Variants in SLC25A43 observed in about 807,000 individuals in gnomAD.
The protein encoded by SLC25A43 is solute carrier family 25 member 43.
Under a neutral mutation model 22.8 loss-of-function variants are expected in SLC25A43, and 10 were observed. That is an observed-to-expected ratio of 0.44 (90% CI 0.27 to 0.74). The LOEUF (loss-of-function observed/expected upper bound fraction) is 0.74, where lower values mean the gene tolerates loss of function less well. Among genes scored for constraint, SLC25A43 ranks in the 30% least tolerant of loss-of-function variants. SLC25A43 has a pLI of 0.17. For missense variants in SLC25A43, 233 were observed against 279.1 expected, an observed-to-expected ratio of 0.83 and a Z score of 1.18; for synonymous variants, 106 against 121.6, an observed-to-expected ratio of 0.87 and a Z score of 0.84.
rs2052402972 is a variant in SLC25A43, at chrX:119,416,477, C to A, written c.690+6115C>A. 2.7e-5 allele frequency among the ~76,000 whole-genome samples: 3 copies of A among 112,432 alleles called. No homozygotes were observed. In the South Asian group the frequency reaches 1.1e-3, roughly 41 times the overall value. ...CTCATGATCTGCCCGCTTTGGCCTCCCAAAGTGCTGGGATTACAGGCGTGA... is the reference window on the plus strand; with the variant it reads ...CTCATGATCTGCCCGCTTTGGCCTCACAAAGTGCTGGGATTACAGGCGTGA... On this transcript the variant is annotated intron_variant, in intron 3 of 4. Coordinates refer to ENST00000217909, the MANE Select transcript of SLC25A43 (RefSeq NM_145305.3).
At chrX:119,441,582 A>C (rs1405800698) in intron 3 of SLC25A43, among the ~76,000 whole-genome samples, 1 of 110,370 alleles carries the variant, frequency 9.1e-6, no homozygotes, top group Non-Finnish European at 1.9e-5. Flanking sequence ...AGCTTACTGA[A>C]TTTTCCTGGT....
chrX:119,425,263 C>T (rs145130535), intron 3 of SLC25A43, among the ~76,000 whole-genome samples: 1 of 111,839 alleles, frequency 8.9e-6, no homozygotes, highest in African/African-American at 3.2e-5. Flanking sequence ...GGGAAGAAAG[C>T]CCGCCTACCA....
chrX:119,446,250 C>T (rs138374913), intron 3 of SLC25A43, among the ~76,000 whole-genome samples: 168 of 106,867 alleles, frequency 1.6e-3, no homozygotes, highest in African/African-American at 5.6e-3. Context: ...GTAATTCATT[C>T]TTCTACAGAT....
intron 3 of SLC25A43, among the ~76,000 whole-genome samples, chrX:119,422,752 A>G (rs923375515): frequency 8.9e-6 from 1 of 111,786 alleles, no homozygotes; most frequent in Non-Finnish European, 1.9e-5. Context: ...AAAACTGTCT[A>G]TGCACTTCGC....
intron 3 of SLC25A43, among the ~76,000 whole-genome samples, chrX:119,443,028 G>T (rs1053909104): frequency 3.6e-5 from 4 of 110,687 alleles, no homozygotes; most frequent in Non-Finnish European, 7.6e-5. Flanking sequence ...AATTGGACAT[G>T]ATTACAGTAC....
At chrX:119,449,257 T>G (rs1287771025) in intron 3 of SLC25A43, among the ~76,000 whole-genome samples, 1 of 107,465 alleles carries the variant, frequency 9.3e-6, no homozygotes, top group Non-Finnish European at 1.9e-5. Context: ...CTACTAAAAA[T>G]ACAAAAATTA....
intron 3 of SLC25A43, among the ~76,000 whole-genome samples, chrX:119,421,515 G>C (rs903985687): frequency 8.9e-6 from 1 of 112,075 alleles, no homozygotes; most frequent in South Asian, 3.7e-4. Context: ...TGAAGACTAA[G>C]TGCATTTCAC....
rs754775709 is a variant in SLC25A43 at position 119,445,454 on chromosome X, C to T, written c.691-6555C>T. On this transcript the variant is annotated intron_variant, in intron 3 of 4. Transcript: ENST00000217909. ...TGGACAAGATGACGACTGGCATTGC[C>T]AGGGTTGTGCAGCAACAGTAGTGGG... 2.7e-5 allele frequency among the ~76,000 whole-genome samples: 3 copies of T among 111,963 alleles called. No individual in the cohort carries two copies. In the South Asian group the frequency reaches 1.1e-3, roughly 42 times the overall value.
chrX:119,419,949 TCTC>T (rs765763009), intron 3 of SLC25A43, among the ~76,000 whole-genome samples: 3 of 112,156 alleles, frequency 2.7e-5, no homozygotes, highest in South Asian at 3.7e-4. Flanking sequence ...ATTACAGTAA[TCTC>T]CTCATTGGTC....
intron 1 of SLC25A43, among the ~76,000 whole-genome samples, chrX:119,406,172 G>T (rs1352212004): frequency 8.9e-6 from 1 of 112,527 alleles, no homozygotes; most frequent in African/African-American, 3.2e-5. Flanking sequence ...CACCCCACAG[G>T]CAAGCCAGTG....
In SLC25A43 at chrX:119,453,111, C is replaced by T; in HGVS notation, c.*46C>T. 1 of 1,076,569 alleles carries T rather than the reference C, an allele frequency of 9.3e-7. No homozygotes were observed. Among genetic ancestry groups the T allele is most frequent in the Non-Finnish European group, 1.3e-6 (1 of 774,847 alleles). The allele number at this position is 1,076,569 out of a possible 1,213,427, so 88.7% of individuals were successfully genotyped here. ...GCACTGACTGACAGCATGTTGCAAT[C>T]ACAGATAAATGTAGCCTCATAACTG... On this transcript the variant is annotated 3_prime_UTR_variant, in exon 5 of 5. Coordinates refer to ENST00000217909, the MANE Select transcript of SLC25A43 (RefSeq NM_145305.3).
chrX:119,410,481 C>A, intron 3 of SLC25A43, 119 bp downstream of exon 3: 1 of 777,400 alleles, frequency 1.3e-6, no homozygotes, highest in Non-Finnish European at 1.9e-6. Flanking sequence ...CTTCTGACTG[C>A]TCATAAATAC....
chrX:119,444,488 G>A (rs763192060), intron 3 of SLC25A43, among the ~76,000 whole-genome samples: 22 of 100,369 alleles, frequency 2.2e-4, no homozygotes, highest in African/African-American at 7.3e-4. Context: ...GGTGGATCAC[G>A]AGGTCGAGAG....
chrX:119,434,532 GTGCATGCCT>G (rs2052582017), intron 3 of SLC25A43: 1 of 108,142 alleles, frequency 9.2e-6, no homozygotes, highest in Non-Finnish European at 1.9e-5. Flanking sequence ...AGGCATGGTG[GTGCATGCCT>G]GTGGTCCCAG....
chrX:119,433,046 C>G (rs188386347), intron 3 of SLC25A43, among the ~76,000 whole-genome samples: 1 of 110,926 alleles, frequency 9.0e-6, no homozygotes, highest in African/African-American at 3.3e-5. Flanking sequence ...TGCAGTGAGC[C>G]GAGATTGCAC....
rs371641384 is a variant in SLC25A43 at position 119,452,963 on chromosome X, A to G, written c.924A>G (p.Lys308=). 4.1e-6 allele frequency: 5 copies of G among 1,209,026 alleles called. No individual in the cohort carries two copies. The highest frequency in any genetic ancestry group is 4.6e-4 in the Middle Eastern group (2 of 4,376). ...NGYILSPLSY[K]LTPGVDQSLQ... ...ACATTCTGTCTCCACTGAGCTATAAATTGACCCCAGGAGTCGATCAGAGTT... is the reference window on the plus strand; with the variant it reads ...ACATTCTGTCTCCACTGAGCTATAAGTTGACCCCAGGAGTCGATCAGAGTT... The change falls in exon 5 of 5, where the codon AAA becomes AAG. Residue 308 remains lysine (K), a synonymous_variant. Transcript: ENST00000217909.
intron 3 of SLC25A43, among the ~76,000 whole-genome samples, chrX:119,422,438 C>G (rs905506406): frequency 2.7e-5 from 3 of 112,550 alleles, no homozygotes; most frequent in Non-Finnish European, 5.6e-5. Context: ...GTCTTATGGC[C>G]CATGCCACAT....
chrX:119,419,648 C>G lies in SLC25A43; in HGVS notation c.690+9286C>G, dbSNP rs1201982078. On this transcript the variant is annotated intron_variant, in intron 3 of 4. Coordinates refer to ENST00000217909, the MANE Select transcript of SLC25A43 (RefSeq NM_145305.3). ...GGTCCCACATTTCCCACAGCCTGCT[C>G]GACATCACTATTTGGCTATCATATC... Among the ~76,000 whole-genome samples the G allele has an allele frequency of 7.2e-5, 8 of 111,591 alleles. No individual in the cohort carries two copies. In the Admixed American group the frequency reaches 7.7e-4, roughly 11 times the overall value.
intron 3 of SLC25A43, among the ~76,000 whole-genome samples, chrX:119,431,524 A>AAAAAG (rs2052551553): frequency 1.8e-5 from 2 of 110,795 alleles, no homozygotes; most frequent in Non-Finnish European, 3.8e-5. Flanking sequence ...CAGAAAAAAA[A>AAAAAG]AAAAGAAAAG....
Sources: allele counts gnomAD v4.1 joint callset (sites outside exome capture counted in the v4.1 genomes callset), GRCh38; gene constraint gnomAD v4.1.1; transcripts MANE v1.5; gene names NCBI Gene and HGNC (gene_info 2026-07-23, HGNC 2026-07-21).